The following HEMK2 variants were observed in gnomAD, a reference collection of about 807,000 sequenced individuals.
The protein encoded by HEMK2 is methyltransferase HEMK2.
the HEMK2 span, among the ~76,000 whole-genome samples, chr21:28,864,276 A>G: frequency 6.6e-6 from 1 of 152,218 alleles, no homozygotes; most frequent in African/African-American, 2.4e-5. Context: ...TAGAGATGAG[A>G]GAGAGAGAGC....
At chr21:28,787,522 A>AT in the HEMK2 span, among the ~76,000 whole-genome samples, 7 of 150,446 alleles carry the variant, frequency 4.7e-5, no homozygotes. Flanking sequence ...GTAAAAAAAA[A>AT]GAACAATCCC....
chr21:28,696,730 G>A, the HEMK2 span, among the ~76,000 whole-genome samples: 1 of 152,326 alleles, frequency 6.6e-6, no homozygotes, highest in South Asian at 2.1e-4. Context: ...TGAGGGCTCT[G>A]CCCCTGGAAC....
chr21:28,684,845 G>T, the HEMK2 span, among the ~76,000 whole-genome samples: 3 of 152,156 alleles, frequency 2.0e-5, no homozygotes, highest in Non-Finnish European at 4.4e-5. Flanking sequence ...ATTCTACAAG[G>T]AATGGTTATG....
the HEMK2 span, among the ~76,000 whole-genome samples, chr21:28,608,654 G>A: frequency 6.6e-6 from 1 of 152,200 alleles, no homozygotes; most frequent in Non-Finnish European, 1.5e-5. Flanking sequence ...TTGTAGCCTT[G>A]AGTAAGTTCT....
chr21:28,655,713 A>T, the HEMK2 span, among the ~76,000 whole-genome samples: 9 of 152,026 alleles, frequency 5.9e-5, no homozygotes, highest in Non-Finnish European at 8.8e-5. Flanking sequence ...TGAGCATCTG[A>T]CTCATGGTAC....
chr21:28,588,212 GA>G, the HEMK2 span, among the ~76,000 whole-genome samples: 2 of 151,752 alleles, frequency 1.3e-5, no homozygotes, highest in Non-Finnish European at 2.9e-5. Context: ...TAGGCAAAGT[GA>G]AAAAAAAGTG....
the HEMK2 span, among the ~76,000 whole-genome samples, chr21:28,795,837 A>T: frequency 6.6e-6 from 1 of 152,326 alleles, no homozygotes; most frequent in East Asian, 1.9e-4. Context: ...GGTATATGAT[A>T]ATTAATTATC....
At chr21:28,640,975 C>G in the HEMK2 span, among the ~76,000 whole-genome samples, 1 of 152,212 alleles carries the variant, frequency 6.6e-6, no homozygotes, top group African/African-American at 2.4e-5. Flanking sequence ...ATATTCTACC[C>G]TACCGCGCAT....
At chr21:28,696,711 G>A in the HEMK2 span, among the ~76,000 whole-genome samples, 1 of 152,124 alleles carries the variant, frequency 6.6e-6, no homozygotes, top group Non-Finnish European at 1.5e-5. Context: ...CCCTAGCAGA[G>A]GTTCTCCATG....
At chr21:28,861,561 T>C in the HEMK2 span, among the ~76,000 whole-genome samples, 8 of 152,202 alleles carry the variant, frequency 5.3e-5, 1 homozygote, top group Admixed American at 2.0e-4. Flanking sequence ...CAACACTTTA[T>C]GCAGTGATTC....
At chr21:28,594,665 C>A in the HEMK2 span, among the ~76,000 whole-genome samples, 56 of 152,112 alleles carry the variant, frequency 3.7e-4, no homozygotes, top group Admixed American at 1.3e-4. Flanking sequence ...AATTTTCTCC[C>A]AAAGATGATT....
the HEMK2 span, among the ~76,000 whole-genome samples, chr21:28,871,264 T>G: frequency 2.6e-5 from 4 of 152,118 alleles, no homozygotes; most frequent in Admixed American, 1.3e-4. Context: ...CCACAGGCCG[T>G]ACAGGAAGCA....
At chr21:28,732,247 G>A in the HEMK2 span, among the ~76,000 whole-genome samples, 1 of 152,188 alleles carries the variant, frequency 6.6e-6, no homozygotes, top group Admixed American at 6.5e-5. Context: ...TAAAGAGAAT[G>A]GGAAAAATAT....
At chr21:28,842,050 A>G in the HEMK2 span, among the ~76,000 whole-genome samples, 2 of 152,134 alleles carry the variant, frequency 1.3e-5, no homozygotes, top group South Asian at 2.1e-4. Context: ...AACTGTAACT[A>G]TTACAACTTT....
the HEMK2 span, among the ~76,000 whole-genome samples, chr21:28,615,666 G>C: frequency 6.6e-6 from 1 of 152,158 alleles, no homozygotes; most frequent in African/African-American, 2.4e-5. Context: ...CTTTTCTTTG[G>C]TCCCTTGTTT....
At chr21:28,686,227 T>C in the HEMK2 span, among the ~76,000 whole-genome samples, 5 of 152,220 alleles carry the variant, frequency 3.3e-5, no homozygotes, top group South Asian at 1.0e-3. Context: ...GTTTTTGTTG[T>C]TGTTGTTGTT....
the HEMK2 span, among the ~76,000 whole-genome samples, chr21:28,740,089 G>A: frequency 2.1e-4 from 32 of 152,184 alleles, no homozygotes; most frequent in Non-Finnish European, 3.1e-4. Flanking sequence ...TTTACACACC[G>A]TCTATAGAAA....
the HEMK2 span, among the ~76,000 whole-genome samples, chr21:28,677,507 T>C: frequency 6.6e-6 from 1 of 152,238 alleles, no homozygotes; most frequent in Non-Finnish European, 1.5e-5. Context: ...CAGTATCCTC[T>C]GCAGACTTAA....
chr21:28,878,369 C>T, the HEMK2 span: 5 of 1,609,616 alleles, frequency 3.1e-6, no homozygotes, highest in Non-Finnish European at 4.2e-6. Flanking sequence ...TCTTTTAACT[C>T]AAGTTTGATT....
Sources: allele counts gnomAD v4.1 joint callset (sites outside exome capture counted in the v4.1 genomes callset), GRCh38; gene constraint gnomAD v4.1.1; transcripts MANE v1.5; gene names NCBI Gene and HGNC (gene_info 2026-07-23, HGNC 2026-07-21).